IL1RAPL2: variants seen among roughly 807,000 people sequenced by gnomAD.
IL1RAPL2 encodes X-linked interleukin-1 receptor accessory protein-like 2.
IL1RAPL2 carries 3 observed loss-of-function variants against 44.1 expected under a neutral mutation model. That is an observed-to-expected ratio of 0.07 (90% CI 0.03 to 0.18). IL1RAPL2 has a LOEUF of 0.18. Ranked by LOEUF, IL1RAPL2 falls within the 10% of genes least tolerant of loss-of-function variation. IL1RAPL2 has a pLI of 1.00. For missense variants in IL1RAPL2, 391 were observed against 496.4 expected (o/e 0.79, Z 2.02); for synonymous variants, 181 against 178.8 (o/e 1.01, Z -0.10).
chrX:105,112,943 G>A (rs1462941375), intron 2 of IL1RAPL2, among the ~76,000 whole-genome samples: 1 of 112,508 alleles, frequency 8.9e-6, no homozygotes, highest in Non-Finnish European at 1.9e-5. Flanking sequence ...TTGGTCCCAG[G>A]CCTACTTTAG....
chrX:104,610,686 G>T (rs1275253935), intron 1 of IL1RAPL2, among the ~76,000 whole-genome samples: 1 of 111,864 alleles, frequency 8.9e-6, no homozygotes, highest in African/African-American at 3.2e-5. Flanking sequence ...TCAATATCTT[G>T]AAAATGGCCA....
intron 2 of IL1RAPL2, among the ~76,000 whole-genome samples, chrX:104,712,506 T>C (rs766108888): frequency 2.7e-5 from 3 of 110,414 alleles, no homozygotes; most frequent in African/African-American, 9.8e-5. Context: ...AATTACTCCC[T>C]GATCCTCTAT....
chrX:104,799,461 CA>C (rs772309192), intron 2 of IL1RAPL2, among the ~76,000 whole-genome samples: 1 of 110,999 alleles, frequency 9.0e-6, no homozygotes, highest in Non-Finnish European at 1.9e-5. Context: ...TGGAGCTTGG[CA>C]GGGGGAGGAG....
chrX:105,576,347 A>C, intron 6 of IL1RAPL2, among the ~76,000 whole-genome samples: 1 of 111,532 alleles, frequency 9.0e-6, no homozygotes, highest in Middle Eastern at 4.6e-3. Context: ...GGTGTAAAGA[A>C]GGGGTCCAGT....
At chrX:105,272,763 A>G (rs1460985910) in intron 5 of IL1RAPL2, among the ~76,000 whole-genome samples, 1 of 112,656 alleles carries the variant, frequency 8.9e-6, no homozygotes, top group African/African-American at 3.2e-5. Flanking sequence ...GCTTTAGCAA[A>G]TGCTTTTAAT....
chrX:104,633,100 G>A (rs990509938), intron 1 of IL1RAPL2, among the ~76,000 whole-genome samples: 6 of 111,388 alleles, frequency 5.4e-5, no homozygotes, highest in African/African-American at 1.3e-4. Context: ...TGAGATAATC[G>A]TATGGTTTTT....
chrX:105,609,572 G>A (rs2037320240), intron 6 of IL1RAPL2, among the ~76,000 whole-genome samples: 1 of 111,694 alleles, frequency 9.0e-6, no homozygotes, highest in Admixed American at 9.5e-5. Context: ...TGAGTATGGC[G>A]AAGATGTTTC....
intron 5 of IL1RAPL2, among the ~76,000 whole-genome samples, chrX:105,395,794 C>A (rs1283619566): frequency 8.9e-6 from 1 of 111,924 alleles, no homozygotes; most frequent in African/African-American, 3.2e-5. Flanking sequence ...TTCTTCTCTT[C>A]TCTATACAGC....
intron 2 of IL1RAPL2, among the ~76,000 whole-genome samples, chrX:104,781,141 A>T (rs769507786): frequency 6.4e-5 from 7 of 109,932 alleles, no homozygotes; most frequent in Non-Finnish European, 1.3e-4. Context: ...TTTAAACCTC[A>T]TTGAGCCACA....
Position 105,266,954 on chromosome X carries a change from C to T in IL1RAPL2, c.544-434C>T, listed in dbSNP as rs182209047. 7.2e-5 allele frequency among the ~76,000 whole-genome samples: 8 copies of T among 111,350 alleles called. No homozygotes were observed. In the East Asian group the frequency reaches 2.3e-3, roughly 32 times the overall value. The stretch of plus-strand genomic sequence containing the variant: ...TCCTATTATGAAAGATTAATAATGC[C>T]TAAGACTCCCCTGGAGTATACTAAG... On this transcript the variant is annotated intron_variant, in intron 4 of 10. Coordinates refer to ENST00000372582, the MANE Select transcript of IL1RAPL2 (RefSeq NM_017416.2).
At chrX:105,643,402 C>T (rs2147840117) in intron 6 of IL1RAPL2, among the ~76,000 whole-genome samples, 1 of 111,385 alleles carries the variant, frequency 9.0e-6, no homozygotes, top group South Asian at 3.8e-4. Flanking sequence ...AGAGCAAAGA[C>T]CCAAGGCAGA....
intron 2 of IL1RAPL2, among the ~76,000 whole-genome samples, chrX:104,712,120 C>A (rs1032524611): frequency 1.8e-5 from 2 of 111,007 alleles, no homozygotes; most frequent in East Asian, 5.7e-4. Flanking sequence ...GATAGTGTGG[C>A]CACAAGTGAA....
chrX:105,609,646 C>T (rs1234728942), intron 6 of IL1RAPL2, among the ~76,000 whole-genome samples: 1 of 111,534 alleles, frequency 9.0e-6, no homozygotes, highest in Non-Finnish European at 1.9e-5. Context: ...GCCTGTGAGT[C>T]AGGAATAGAT....
intron 6 of IL1RAPL2, among the ~76,000 whole-genome samples, chrX:105,544,474 T>C (rs888563003): frequency 6.3e-5 from 7 of 110,839 alleles, no homozygotes; most frequent in South Asian, 3.8e-4. Context: ...CAGTGTTCAA[T>C]AGAAGTGGCG....
chrX:104,902,172 T>C (rs1923838263), intron 2 of IL1RAPL2, among the ~76,000 whole-genome samples: 1 of 111,635 alleles, frequency 9.0e-6, no homozygotes, highest in Non-Finnish European at 1.9e-5. Flanking sequence ...TAAAGTAGCT[T>C]CTTTTTCCCT....
chrX:105,489,975 G>A (rs1201665816), intron 6 of IL1RAPL2, among the ~76,000 whole-genome samples: 1 of 108,910 alleles, frequency 9.2e-6, no homozygotes, highest in Non-Finnish European at 1.9e-5. Flanking sequence ...TCACAGTCAG[G>A]TGCCACCACG....
chrX:105,300,705 C>T (rs934689612), intron 5 of IL1RAPL2, among the ~76,000 whole-genome samples: 1 of 110,933 alleles, frequency 9.0e-6, no homozygotes, highest in South Asian at 3.9e-4. Context: ...CCCGACATCC[C>T]CTGTCTGAAA....
chrX:104,617,074 T>C (rs1018156334), intron 1 of IL1RAPL2, among the ~76,000 whole-genome samples: 1 of 112,426 alleles, frequency 8.9e-6, no homozygotes, highest in Non-Finnish European at 1.9e-5. Context: ...CTAGGGTTTT[T>C]ATAGTTTGGG....
intron 5 of IL1RAPL2, among the ~76,000 whole-genome samples, chrX:105,389,277 A>G (rs2035503728): frequency 8.9e-6 from 1 of 112,246 alleles, no homozygotes; most frequent in Non-Finnish European, 1.9e-5. Context: ...AACAGTTGGC[A>G]CTTAATTTGC....
Sources: gnomAD v4.1 joint callset for allele counts (sites outside exome capture counted in the v4.1 genomes callset) on GRCh38, gnomAD v4.1.1 for gene constraint, MANE v1.5 for transcripts, NCBI Gene and HGNC (gene_info 2026-07-23, HGNC 2026-07-21) for gene names.